CCDC83: variants seen among roughly 807,000 people sequenced by gnomAD.
The protein encoded by CCDC83 is coiled-coil domain-containing protein 83.
Under a neutral mutation model 50.1 loss-of-function variants are expected in CCDC83, and 54 were observed. The ratio of observed to expected loss-of-function variants is 1.08; its 90% confidence interval spans 0.87 to 1.35. The LOEUF (loss-of-function observed/expected upper bound fraction) is 1.35, where lower values mean the gene tolerates loss of function less well. CCDC83 is among the 40% of genes most tolerant of loss of function. The pLI, the probability that CCDC83 is intolerant of heterozygous loss-of-function variation, is 0.00. For synonymous variants in CCDC83, 161 were observed against 153.3 expected (o/e 1.05, Z -0.37); for missense variants, 518 against 473.9 (o/e 1.09, Z -0.86).
intron 2 of CCDC83, among the ~76,000 whole-genome samples, chr11:85,871,252 G>A (rs1267470583): frequency 3.9e-5 from 6 of 152,180 alleles, no homozygotes; most frequent in African/African-American, 1.4e-4. Context: ...TACATTGTAT[G>A]TATGACTGTT....
intron 9 of CCDC83, 127 bp from the exon 10 acceptor site, chr11:85,915,901 T>G (rs2093475152): frequency 5.9e-6 from 4 of 679,220 alleles, no homozygotes; most frequent in Non-Finnish European, 1.0e-5. Context: ...CTTACTTTAA[T>G]ACATAAATTC....
chr11:85,904,465 T>G (rs571930407), intron 7 of CCDC83, among the ~76,000 whole-genome samples: 1 of 152,324 alleles, frequency 6.6e-6, no homozygotes, highest in Non-Finnish European at 1.5e-5. Context: ...AAATTCCCTT[T>G]AGATACAAAG....
chr11:85,898,354 T>C (rs1467030006), intron 6 of CCDC83, among the ~76,000 whole-genome samples: 1 of 152,218 alleles, frequency 6.6e-6, no homozygotes. Flanking sequence ...TTATTCACTA[T>C]AAAATTCTTT....
At chr11:85,917,166 G>GAGAGAGAGAGAGAGAA (rs756949334) in intron 10 of CCDC83, among the ~76,000 whole-genome samples, 48 of 62,444 alleles carry the variant, frequency 7.7e-4, no homozygotes, top group East Asian at 3.9e-3. Flanking sequence ...GAGAGAGAGA[G>GAGAGAGAGAGAGAGAA]AGAAAGAAAG....
At chr11:85,895,462 T>A in intron 6 of CCDC83, 78 bp downstream of exon 6, 1 of 836,888 alleles carries the variant, frequency 1.2e-6, no homozygotes, top group Non-Finnish European at 1.9e-6. Flanking sequence ...TTATAGTGGT[T>A]AAGAACTTTG....
intron 7 of CCDC83, among the ~76,000 whole-genome samples, chr11:85,907,861 C>T (rs1187269380): frequency 6.6e-6 from 1 of 152,190 alleles, no homozygotes; most frequent in Non-Finnish European, 1.5e-5. Flanking sequence ...AGACCAAGAA[C>T]TGTGTGTGCT....
chr11:85,906,758 A>G (rs1052449277), intron 7 of CCDC83, among the ~76,000 whole-genome samples: 9 of 152,134 alleles, frequency 5.9e-5, no homozygotes, highest in Admixed American at 2.0e-4. Context: ...TGTGGCACAC[A>G]TCTGTGGTCC....
chr11:85,857,183 C>T (rs2093146576), intron 1 of CCDC83, among the ~76,000 whole-genome samples: 1 of 152,180 alleles, frequency 6.6e-6, no homozygotes, highest in Non-Finnish European at 1.5e-5. Context: ...CCGGGCCTGA[C>T]GTGCATGTGG....
chr11:85,908,888 C>A lies in CCDC83; in HGVS notation c.673-2393C>A, dbSNP rs548883876. 2.0e-5 allele frequency among the ~76,000 whole-genome samples: 3 copies of A among 152,236 alleles called. No individual in the cohort carries two copies. In the South Asian group the frequency reaches 6.2e-4, roughly 32 times the overall value. On this transcript the variant is annotated intron_variant, in intron 7 of 10. Coordinates refer to ENST00000342404, the MANE Select transcript of CCDC83 (RefSeq NM_001286159.2). ...TGAGATGGTACCACTGCACTCCAGT[C>A]TGGGTGACAGAGCAAGCCCTGTCTC...
rs372027783 is a variant in CCDC83 at position 85,898,982 on chromosome 11, A to G, written c.639A>G (p.Leu213=). The G allele has an allele frequency of 1.2e-6, 2 of 1,609,252 alleles. No individual in the cohort carries two copies. The highest frequency in any genetic ancestry group is 1.3e-5 in the African/African-American group (1 of 74,828). Residue 213 remains leucine, a synonymous_variant, in exon 7 of 11, where the codon CTA becomes CTG. Transcript: ENST00000342404. ...AVKLIDKGSY[L]EIWENDWLKK... is the part of the protein sequence containing the mutation. ...AGCTCATTGACAAGGGCAGTTATCT[A>G]GAGATCTGGGAGAATGACTGGCTCA...
intron 8 of CCDC83, among the ~76,000 whole-genome samples, chr11:85,913,982 A>C (rs1451206506): frequency 6.6e-6 from 1 of 152,250 alleles, no homozygotes; most frequent in Non-Finnish European, 1.5e-5. Context: ...ATTTAGAAAG[A>C]TCTTAATTGT....
intron 7 of CCDC83, among the ~76,000 whole-genome samples, chr11:85,909,609 CTTTTTTTTTTTTTTTTTTT>C (rs71468972): frequency 1.7e-5 from 1 of 57,706 alleles, no homozygotes; most frequent in African/African-American, 7.2e-5. Flanking sequence ...TCAAAATACA[CTTTTTTTTTTTTTTTTTTT>C]TTTTTTTTTT....
intron 9 of CCDC83, among the ~76,000 whole-genome samples, chr11:85,915,787 G>T (rs1043971383): frequency 6.6e-6 from 1 of 152,142 alleles, no homozygotes; most frequent in East Asian, 1.9e-4. Flanking sequence ...GCCCTATTTA[G>T]CCAACCAAAA....
chr11:85,872,739 G>GT (rs1222466454), intron 2 of CCDC83, among the ~76,000 whole-genome samples: 12 of 152,262 alleles, frequency 7.9e-5, no homozygotes, highest in African/African-American at 2.9e-4. Flanking sequence ...CAGGAAAGAA[G>GT]TTTTTATTAT....
chr11:85,882,116 C>G (rs1313223935), intron 3 of CCDC83, among the ~76,000 whole-genome samples: 1 of 150,816 alleles, frequency 6.6e-6, no homozygotes, highest in Non-Finnish European at 1.5e-5. Context: ...CATAGCAAGA[C>G]CTCATCTCTA....
chr11:85,895,051 T>C (rs1198766511), intron 5 of CCDC83, among the ~76,000 whole-genome samples: 1 of 152,176 alleles, frequency 6.6e-6, no homozygotes, highest in Non-Finnish European at 1.5e-5. Context: ...TTAATCCCTC[T>C]CTACTCTCCT....
Position 85,915,409 on chromosome 11 carries a change from G to T in CCDC83, c.795-10G>T. On this transcript the variant is annotated splice_polypyrimidine_tract_variant and intron_variant, in intron 8 of 10. Transcript: ENST00000342404. ...GACTGACAGATTGTTTTTCTCATTT[G>T]TTCTTTTAGGCGACTATATCTTACC... 1 of 1,598,584 alleles carries T rather than the reference G, an allele frequency of 6.3e-7. No homozygotes were observed. Among genetic ancestry groups the T allele is most frequent in the Non-Finnish European group, 8.5e-7 (1 of 1,170,800 alleles).
chr11:85,868,577 T>C (rs1176068205), intron 2 of CCDC83, among the ~76,000 whole-genome samples: 1 of 152,234 alleles, frequency 6.6e-6, no homozygotes, highest in Non-Finnish European at 1.5e-5. Flanking sequence ...GGTTTTGCCA[T>C]GTTGGCCAGG....
chr11:85,890,994 G>C (rs1451892636), intron 5 of CCDC83, among the ~76,000 whole-genome samples: 2 of 152,060 alleles, frequency 1.3e-5, no homozygotes, highest in East Asian at 3.9e-4. Context: ...AATGCTTGTT[G>C]GGTGTAACAC....
Sources: gnomAD v4.1 joint callset for allele counts (sites outside exome capture counted in the v4.1 genomes callset) on GRCh38, gnomAD v4.1.1 for gene constraint, MANE v1.5 for transcripts, NCBI Gene and HGNC (gene_info 2026-07-23, HGNC 2026-07-21) for gene names.